The following DYRK1B variants were observed in gnomAD, a reference collection of about 807,000 sequenced individuals.
DYRK1B encodes the protein dual specificity tyrosine phosphorylation regulated kinase 1B, also known as dual specificity tyrosine-phosphorylation-regulated kinase 1B.
Under a neutral mutation model 57.1 loss-of-function variants are expected in DYRK1B, and 20 were observed. That is an observed-to-expected ratio of 0.35 (90% CI 0.25 to 0.51). The LOEUF (loss-of-function observed/expected upper bound fraction) is 0.51, where lower values mean the gene tolerates loss of function less well. Among genes scored for constraint, DYRK1B ranks in the 20% least tolerant of loss-of-function variants. The pLI is 0.96. For missense variants in DYRK1B, 732 were observed against 886.3 expected (o/e 0.83, Z 2.21); for synonymous variants, 409 against 384.7 (o/e 1.06, Z -0.74).
chr19:39,827,271 G>A lies in DYRK1B; in HGVS notation c.1095+14C>T, dbSNP rs1312388967. ...CCACGGGGTGGGAGGAGTGGCATGG[G>A]GCAGGGGCCGCACCTTCCTGAGTTC... On this transcript the variant is annotated intron_variant, in intron 8 of 10. Coordinates refer to ENST00000323039, the MANE Select transcript of DYRK1B (RefSeq NM_004714.3). The A allele has an allele frequency of 1.2e-6, 2 of 1,601,502 alleles. No homozygotes were observed. The highest frequency in any genetic ancestry group is 1.8e-4 in the Middle Eastern group (1 of 5,440).
At chr19:39,829,633 C>T (rs1968713142) in intron 5 of DYRK1B, 6 of 421,246 alleles carry the variant, frequency 1.4e-5, no homozygotes, top group Non-Finnish European at 2.5e-5. Flanking sequence ...GGTGAGTTAA[C>T]TTCCAAGTGC....
chr19:39,831,765 C>T, intron 2 of DYRK1B, 40 bp downstream of exon 2: 2 of 1,549,184 alleles, frequency 1.3e-6, no homozygotes, highest in Non-Finnish European at 1.7e-6. Flanking sequence ...CCCAGCCTCC[C>T]CCTACCACCA....
intron 1 of DYRK1B, chr19:39,833,144 T>A (rs1968902186): frequency 3.0e-6 from 3 of 985,686 alleles, no homozygotes; most frequent in Non-Finnish European, 3.6e-6. Flanking sequence ...GTCAAATCCC[T>A]TTCTCCTATT....
chr19:39,826,028 T>C lies in DYRK1B; in HGVS notation c.1577A>G (p.His526Arg), dbSNP rs1968517987. 1.3e-6 allele frequency: 2 copies of C among 1,521,622 alleles called. No individual in the cohort carries two copies. The highest frequency in any genetic ancestry group is 4.6e-5 in the East Asian group (2 of 43,916). 94.3% of individuals were successfully genotyped at this position (1,521,622 alleles called of 1,614,324 possible). A position where few individuals can be genotyped will look rare whatever the true frequency, so the allele number is the denominator to read the frequency against. ...TGACGAGGCAGAGGCAGGGGCTTGA[T>C]GTGTCTTGTGGGGCACATCACCCCC... ...WAGGDVPHKT[H>R]QAPASASSLP... Residue 526 changes from histidine to arginine, a missense_variant, in exon 11 of 11, where the codon CAT (histidine) becomes CGT (arginine). By Grantham distance (29) the His-to-Arg change is conservative (BLOSUM62 0). Around this residue, in one of 2 missense-constraint regions of DYRK1B, gnomAD observed 222 missense variants for 205.0 expected, o/e 1.08. Transcript: ENST00000323039. This position sits in a 1 kb window ranked among gnomAD's most constrained non-coding sequence, Gnocchi z 6.3.
At chr19:39,827,766 G>A in intron 6 of DYRK1B, 110 bp from the exon 7 acceptor site, 10 of 1,354,324 alleles carry the variant, frequency 7.4e-6, no homozygotes, top group Non-Finnish European at 1.0e-5. Context: ...ACAAAATGGG[G>A]ACTGAGGCTC....
chr19:39,832,878 T>C (rs907120783), intron 1 of DYRK1B: 21 of 979,396 alleles, frequency 2.1e-5, no homozygotes, highest in Non-Finnish European at 2.5e-5. Context: ...GAGGTGTCTC[T>C]TCCCACAGTT....
At chr19:39,827,695 T>C in intron 6 of DYRK1B, 39 bp from the exon 7 acceptor site, 2 of 1,598,092 alleles carry the variant, frequency 1.3e-6, no homozygotes, top group Non-Finnish European at 1.7e-6. Context: ...CAGCCTCCCC[T>C]ACTGGTCCCA....
At chr19:39,830,851 G>A (rs1000920589) in intron 2 of DYRK1B, 68 bp from the exon 3 acceptor site, 1 of 1,524,710 alleles carries the variant, frequency 6.6e-7, no homozygotes, top group East Asian at 2.3e-5. Context: ...AGGAAGAACT[G>A]TAAGGGCTGC....
intron 8 of DYRK1B, 127 bp from the exon 9 acceptor site, chr19:39,827,114 G>T: frequency 8.6e-7 from 1 of 1,161,348 alleles, no homozygotes. Context: ...GAAGAGTTGT[G>T]GGGTGGGAAG....
chr19:39,827,564 G>A lies in DYRK1B; in HGVS notation c.900C>T (p.Gly300=). 6.2e-7 allele frequency: 1 copy of A among 1,614,126 alleles called. No homozygotes were observed. The highest frequency in any genetic ancestry group is 8.5e-7 in the Non-Finnish European group (1 of 1,179,996). Residue 300 remains glycine (G), a synonymous_variant, in exon 7 of 11, where the codon GGC becomes GGT. Transcript: ENST00000323039. ...YDLAIDMWSL[G]CILVEMHTGE... is the part of the protein sequence containing the mutation. Reference sequence around the variant, plus strand: ...CGGTGTGCATCTCCACAAGGATGCAGCCCAGGGACCACATGTCAATGGCCA... The same window carrying A: ...CGGTGTGCATCTCCACAAGGATGCAACCCAGGGACCACATGTCAATGGCCA...
intron 1 of DYRK1B, chr19:39,833,057 A>G: frequency 3.0e-6 from 3 of 985,344 alleles, no homozygotes; most frequent in Non-Finnish European, 3.6e-6. Flanking sequence ...TCCCCAAGTT[A>G]TCACATAGGG....
chr19:39,827,447 G>A (rs56110449), intron 7 of DYRK1B, 22 bp from the exon 8 acceptor site: 492,365 of 1,609,276 alleles, frequency 0.31, 78,086 homozygotes, highest in South Asian at 0.35. Context: ...CAGGGGTCAA[G>A]GTCATCAGGC....
intron 1 of DYRK1B, chr19:39,833,359 G>A: frequency 1.0e-6 from 1 of 985,516 alleles, no homozygotes; most frequent in Non-Finnish European, 1.2e-6. Context: ...GGCGGTGGCG[G>A]CGCTGAAAAG....
Position 39,828,605 on chromosome 19 carries a change from G to A in DYRK1B, c.521-22C>T, listed in dbSNP as rs898014915. On this transcript the variant is annotated intron_variant, in intron 5 of 10. Coordinates refer to ENST00000323039, the MANE Select transcript of DYRK1B (RefSeq NM_004714.3). This position sits in a 1 kb window ranked among gnomAD's most constrained non-coding sequence, Gnocchi z 4.3. The stretch of plus-strand genomic sequence containing the variant: ...TGTACTGCGGGGGAGGGGAGGAAAT[G>A]GGCCAGAGAAGAAACGGCTCAGAGA... 9 of 1,595,776 alleles carry A rather than the reference G, an allele frequency of 5.6e-6. No homozygotes were observed. In the Admixed American group the frequency reaches 1.2e-4, roughly 21 times the overall value.
chr19:39,830,538 C>G lies in DYRK1B; in HGVS notation c.209G>C (p.Arg70Pro), dbSNP rs144370928. 3 of 1,614,020 alleles carry G rather than the reference C, an allele frequency of 1.9e-6. No homozygotes were observed. The highest frequency in any genetic ancestry group is 3.3e-4 in the Middle Eastern group (2 of 6,084). ...NEVYYAKKKR[R>P]AQQAPPQDSS... ...ATCCTGGGGTGGCGCCTGCTGGGCCCGCCGCTTCTTCTTCGCATAGTATAC... is the reference window on the plus strand; with the variant it reads ...ATCCTGGGGTGGCGCCTGCTGGGCCGGCCGCTTCTTCTTCGCATAGTATAC... The change falls in exon 4 of 11, where the codon CGG (arginine) becomes CCG (proline). Residue 70 changes from arginine (R) to proline (P), a missense_variant. Arg to Pro is a moderately radical substitution (Grantham distance 103). Transcript: ENST00000323039.
intron 1 of DYRK1B, among the ~76,000 whole-genome samples, chr19:39,832,408 A>G (rs545467130): frequency 1.3e-5 from 2 of 152,204 alleles, no homozygotes; most frequent in Non-Finnish European, 2.9e-5. Context: ...CACTTTCTGT[A>G]GTCTTCCCTG....
chr19:39,831,425 T>C (rs1357111468), intron 2 of DYRK1B, among the ~76,000 whole-genome samples: 1 of 99,778 alleles, frequency 1.0e-5, no homozygotes. Context: ...TCTGAACTTT[T>C]CTTAGTAGCA....
Position 39,834,095 on chromosome 19 carries a change from T to C in DYRK1B, c.-174A>G. 1 of 187,726 alleles carries C rather than the reference T, an allele frequency of 5.3e-6. No homozygotes were observed. The highest frequency in any genetic ancestry group is 1.1e-5 in the Non-Finnish European group (1 of 87,920). The allele number at this position is 187,726 out of a possible 1,614,324, so 11.6% of individuals were successfully genotyped here. A position where few individuals can be genotyped will look rare whatever the true frequency, so the allele number is the denominator to read the frequency against. ...CAGACCTGCCCACTGGCTGAGGGTA[T>C]CCGGCGGACGCGGCAAGCCAGGGCC... On this transcript the variant is annotated 5_prime_UTR_variant, in exon 1 of 11. Transcript: ENST00000323039.
chr19:39,831,968 C>A lies in DYRK1B; in HGVS notation c.-101G>T. 2 of 1,424,184 alleles carry A rather than the reference C, an allele frequency of 1.4e-6. No individual in the cohort carries two copies. Among genetic ancestry groups the A allele is most frequent in the Non-Finnish European group, 1.8e-6 (2 of 1,090,494 alleles). 88.2% of individuals were successfully genotyped at this position (1,424,184 alleles called of 1,614,324 possible). On this transcript the variant is annotated splice_region_variant and 5_prime_UTR_variant, in exon 2 of 11. Transcript: ENST00000323039. ...ACCTCGGCTGCCACCGCCGCTGAGA[C>A]CTGAGAGCAGACAGGAAGTGGGAAA...
Sources: allele counts gnomAD v4.1 joint callset (sites outside exome capture counted in the v4.1 genomes callset), GRCh38; gene constraint gnomAD v4.1.1; regional missense constraint gnomAD v4.1.1; non-coding constraint Gnocchi (gnomAD v3.1); transcripts MANE v1.5; gene names NCBI Gene and HGNC (gene_info 2026-07-23, HGNC 2026-07-21).